The following TAF6 variants were observed in gnomAD, a reference collection of about 807,000 sequenced individuals.
TAF6 encodes transcription initiation factor TFIID subunit 6.
Under a neutral mutation model 73.5 loss-of-function variants are expected in TAF6, and 50 were observed. The observed-to-expected ratio is 0.68, with a 90% CI of 0.54 to 0.86. The LOEUF is 0.86. TAF6 is among the 40% of genes least tolerant of loss of function. The pLI is 0.00. For synonymous variants in TAF6, 424 were observed against 376.7 expected, an observed-to-expected ratio of 1.13 and a Z score of -1.45; for missense variants, 768 against 899.5, an observed-to-expected ratio of 0.85 and a Z score of 1.87.
intron 1 of TAF6, chr7:100,118,907 G>A (rs2116871206): frequency 1.0e-6 from 1 of 985,364 alleles, no homozygotes; most frequent in South Asian, 4.7e-5. Context: ...GTTTACAAGA[G>A]GGGGTCGTGT....
rs1367829808 is a variant in TAF6, at chr7:100,111,271, C to T, written c.951G>A (p.Leu317=). The T allele has an allele frequency of 6.2e-7, 1 of 1,614,228 alleles. No homozygotes were observed. The highest frequency in any genetic ancestry group is 2.2e-5 in the East Asian group (1 of 44,882). The change falls in exon 10 of 15, where the codon TTG becomes TTA. Residue 317 remains leucine (L), a synonymous_variant. Transcript: ENST00000453269. Reference sequence around the variant, plus strand: ...GATTGTCCACATCTGGTCGCAGGCACAACTGTCTGCTCACGATGCAGGTCA... The same window carrying T: ...GATTGTCCACATCTGGTCGCAGGCATAACTGTCTGCTCACGATGCAGGTCA... ...AVMTCIVSRQ[L]CLRPDVDNHW...
upstream of TAF6, chr7:100,119,906 C>T (rs1215791166): frequency 3.3e-6 from 5 of 1,529,080 alleles, no homozygotes; most frequent in African/African-American, 1.4e-5. Flanking sequence ...CCGGCCACAC[C>T]TCCTTCTTCT....
At chr7:100,127,073 C>A in the TAF6 span, 4 of 346,614 alleles carry the variant, frequency 1.2e-5, no homozygotes, top group Non-Finnish European at 2.1e-5. The surrounding 1 kb of genome is among the most constrained non-coding windows in gnomAD (Gnocchi z 4.6). Context: ...AGGTAGAGCG[C>A]GGCTAGGATT....
upstream of TAF6, chr7:100,122,978 G>C: frequency 6.7e-7 from 1 of 1,488,940 alleles, no homozygotes; most frequent in Non-Finnish European, 9.1e-7. Context: ...TCTAGGGTTT[G>C]ACTATAGGGG....
At chr7:100,117,665 T>A (rs1454435909) in intron 1 of TAF6, among the ~76,000 whole-genome samples, 2 of 152,098 alleles carry the variant, frequency 1.3e-5, no homozygotes, top group Non-Finnish European at 2.9e-5. Flanking sequence ...GTTGTAAGGC[T>A]TAGAGATATT....
chr7:100,120,302 G>C (rs1042347129), upstream of TAF6: 2 of 154,570 alleles, frequency 1.3e-5, no homozygotes, highest in African/African-American at 4.8e-5. Flanking sequence ...ACCCCGCTGA[G>C]GGGGTTTGAG....
At chr7:100,108,768 ATC>A in intron 12 of TAF6, 1 of 429,406 alleles carries the variant, frequency 2.3e-6, no homozygotes, top group Middle Eastern at 6.1e-4. Context: ...CAGGTGCAGC[ATC>A]TTAGGCCTGT....
upstream of TAF6, chr7:100,122,606 A>C (rs1798106906): frequency 1.3e-6 from 2 of 1,564,768 alleles, no homozygotes; most frequent in Non-Finnish European, 1.7e-6. Flanking sequence ...GCAGGACCCC[A>C]CTTCTCAGAT....
upstream of TAF6, among the ~76,000 whole-genome samples, chr7:100,121,777 G>A (rs1460599849): frequency 1.3e-4 from 20 of 151,624 alleles, no homozygotes; most frequent in African/African-American, 3.1e-4. Context: ...CCGGCCGGGC[G>A]TGGTGGCTCA....
intron 1 of TAF6, among the ~76,000 whole-genome samples, chr7:100,118,023 G>A (rs1263490839): frequency 3.5e-5 from 5 of 142,392 alleles, no homozygotes; most frequent in African/African-American, 1.0e-4. Context: ...TCCAGCCTGG[G>A]CAACAGAGCC....
At chr7:100,124,821 A>G (rs1433564945), upstream of TAF6, 1 of 1,612,998 alleles carries the variant, frequency 6.2e-7, no homozygotes, top group Non-Finnish European at 8.5e-7. Context: ...GAAGAGGAGG[A>G]AGAGGAAGGG....
At chr7:100,107,821 T>G in intron 14 of TAF6, 105 bp downstream of exon 14, 1 of 1,446,010 alleles carries the variant, frequency 6.9e-7, no homozygotes, top group Non-Finnish European at 9.3e-7. Context: ...TTCCAGCTCT[T>G]GACTTGGGGC....
chr7:100,122,381 GT>G (rs759875144), upstream of TAF6: 6 of 1,614,124 alleles, frequency 3.7e-6, no homozygotes, highest in South Asian at 5.5e-5. Flanking sequence ...GCCTTACAGC[GT>G]TTCGTGAGTC....
intron 1 of TAF6, chr7:100,116,660 C>CA (rs998135247): frequency 5.3e-5 from 8 of 151,370 alleles, no homozygotes; most frequent in East Asian, 1.9e-4. Flanking sequence ...ACAACAACAA[C>CA]AAAAAAAACA....
In TAF6 at chr7:100,107,303, C is replaced by T. The variant is rs751787479; in HGVS notation, c.1977G>A (p.Gly659=). Residue 659 remains glycine (G), a synonymous_variant, in exon 15 of 15, where the codon GGG becomes GGA. Coordinates refer to ENST00000453269, the MANE Select transcript of TAF6 (RefSeq NM_139315.3). ...EAGDSPPPAP[G]TPKANGSQPN... is the part of the protein sequence containing the mutation. ...GCTGGGAGCCATTGGCTTTTGGAGT[C>T]CCTGGAGCTGGAGGGGGACTGTCCC... 2 of 1,528,478 alleles carry T rather than the reference C, an allele frequency of 1.3e-6. No individual in the cohort carries two copies. Among genetic ancestry groups the T allele is most frequent in the Admixed American group, 4.3e-5 (2 of 46,750 alleles). 94.7% of individuals were successfully genotyped at this position (1,528,478 alleles called of 1,614,324 possible).
chr7:100,124,819 G>A (rs1584590510), upstream of TAF6: 1 of 1,613,274 alleles, frequency 6.2e-7, no homozygotes, highest in Non-Finnish European at 8.5e-7. Flanking sequence ...AGGAAGAGGA[G>A]GAAGAGGAAG....
In TAF6 at chr7:100,114,696, G is replaced by T. The variant is rs1221017612; in HGVS notation, c.-59-428C>A. ...GATCACGCCACTGCACTCCAGCCAG[G>T]GTGACTCCGTCTCAGGAAAAAAAAA... On this transcript the variant is annotated intron_variant, in intron 1 of 14. Coordinates refer to ENST00000453269, the MANE Select transcript of TAF6 (RefSeq NM_139315.3). 6 of 243,966 alleles carry T rather than the reference G, an allele frequency of 2.5e-5. No individual in the cohort carries two copies. In the East Asian group the frequency reaches 2.6e-4, roughly 11 times the overall value. The allele number at this position is 243,966 out of a possible 1,614,324, so 15.1% of individuals were successfully genotyped here.
At chr7:100,113,132 G>T (rs1198362821) in intron 5 of TAF6, among the ~76,000 whole-genome samples, 1 of 152,164 alleles carries the variant, frequency 6.6e-6, no homozygotes, top group Non-Finnish European at 1.5e-5. Context: ...CGGGCGTGGT[G>T]GTGTGTGCTT....
chr7:100,122,829 G>A (rs748481588), upstream of TAF6: 1 of 1,614,022 alleles, frequency 6.2e-7, no homozygotes, highest in Non-Finnish European at 8.5e-7. Flanking sequence ...AGTGCAGAAG[G>A]GGGTGAAGGT....
Sources: allele counts gnomAD v4.1 joint callset (sites outside exome capture counted in the v4.1 genomes callset), GRCh38; gene constraint gnomAD v4.1.1; non-coding constraint Gnocchi (gnomAD v3.1); transcripts MANE v1.5; gene names NCBI Gene and HGNC (gene_info 2026-07-23, HGNC 2026-07-21).